The following TNRC18 variants were observed in gnomAD, a reference collection of about 807,000 sequenced individuals.
TNRC18 encodes the protein trinucleotide repeat containing 18, also known as trinucleotide repeat-containing gene 18 protein.
In TNRC18, 69 loss-of-function variants were observed where a neutral mutation model predicts 226.7. The ratio of observed to expected loss-of-function variants is 0.30; its 90% CI spans 0.25 to 0.37. The LOEUF (loss-of-function observed/expected upper bound fraction) is 0.37. Ranked by LOEUF, TNRC18 falls within the 10% of genes least tolerant of loss-of-function variation. The pLI is 1.00. For synonymous variants in TNRC18, 2,449 were observed against 1,927.6 expected (o/e 1.27, Z -7.09); for missense variants, 4,754 against 4,256.6 (o/e 1.12, Z -3.25).
Position 5,376,949 on chromosome 7 carries a change from G to A in TNRC18, c.2506C>T (p.Pro836Ser), listed in dbSNP as rs1390414333. Residue 836 changes from proline (P) to serine (S), a missense_variant, in exon 8 of 30, where the codon CCA becomes TCA. Physicochemically the swap from Pro to Ser is moderately conservative, Grantham distance 74. Transcript: ENST00000430969. ...GGGAGGGAGCCCCCCAGGCCAGGTG[G>A]GAACGCAGGGGCCATGCCCTGGTGC... ...SLHQGMAPAF[P>S]PGLGGSLPSA... The A allele has an allele frequency of 6.3e-7, 1 of 1,592,522 alleles. No individual in the cohort carries two copies.
At position 5,388,219 on chromosome 7, in the gene TNRC18, G is replaced by C. The variant is rs1055203238; in HGVS notation, c.1605C>G (p.Ala535=). The C allele has an allele frequency of 6.2e-7, 1 of 1,600,780 alleles. No homozygotes were observed. The part of the protein sequence containing the change: ...VLAAQHHHSR[A]EEEAAVVAAS... ...CAGCGACCACGGCGGCCTCCTCTTC[G>C]GCGCGGCTGTGGTGGTGCTGCGCGG... Residue 535 remains alanine, a synonymous_variant, in exon 5 of 30, where the codon GCC becomes GCG. Coordinates refer to ENST00000430969, the MANE Select transcript of TNRC18 (RefSeq NM_001080495.3).
chr7:5,344,049 A>AC (rs1465362844), intron 18 of TNRC18, among the ~76,000 whole-genome samples: 1 of 152,220 alleles, frequency 6.6e-6, no homozygotes, highest in Non-Finnish European at 1.5e-5. Flanking sequence ...GAAAAAGGAG[A>AC]CATCACTACA....
intron 26 of TNRC18, among the ~76,000 whole-genome samples, chr7:5,314,761 C>T (rs1462719773): frequency 6.6e-6 from 1 of 151,938 alleles, no homozygotes; most frequent in East Asian, 1.9e-4. Context: ...TTAGTAGAGA[C>T]GGAGTTTCAC....
At position 5,376,238 on chromosome 7, in the gene TNRC18, G is replaced by A. The variant is rs190075412; in HGVS notation, c.2609-14C>T. The A allele has an allele frequency of 1.0e-4, 149 of 1,474,892 alleles. No homozygotes were observed. Among genetic ancestry groups the A allele is most frequent in the Non-Finnish European group, 1.2e-4 (139 of 1,118,022 alleles). 91.4% of individuals were successfully genotyped at this position (1,474,892 alleles called of 1,614,324 possible). On this transcript the variant is annotated splice_polypyrimidine_tract_variant and intron_variant, in intron 8 of 29. Transcript: ENST00000430969. The stretch of plus-strand genomic sequence containing the variant: ...CCATCAGCTCCGCTGCAGGGACAGA[G>A]ACAGTGCGCTGCACCTGCGGCCTGA...
intron 11 of TNRC18, among the ~76,000 whole-genome samples, chr7:5,369,531 C>A (rs1793953936): frequency 6.6e-6 from 1 of 151,998 alleles, no homozygotes; most frequent in Non-Finnish European, 1.5e-5. Flanking sequence ...GTAAGTCGGC[C>A]TTGAATGAGG....
intron 2 of TNRC18, among the ~76,000 whole-genome samples, chr7:5,406,706 C>A (rs758240724): frequency 2.0e-5 from 3 of 151,762 alleles, no homozygotes; most frequent in Non-Finnish European, 4.4e-5. Flanking sequence ...CAAAAATTAG[C>A]TGGGCATGGT....
intron 2 of TNRC18, among the ~76,000 whole-genome samples, chr7:5,400,228 C>A (rs1187668914): frequency 5.9e-5 from 9 of 151,804 alleles, no homozygotes; most frequent in Non-Finnish European, 1.5e-5. Context: ...TGGTTACAAA[C>A]CCTGGAGCTC....
intron 2 of TNRC18, among the ~76,000 whole-genome samples, chr7:5,418,904 C>G (rs1313310275): frequency 1.3e-5 from 2 of 152,300 alleles, no homozygotes; most frequent in South Asian, 4.1e-4. Context: ...GCCTGGGGTC[C>G]GAGGTCTCCT....
intron 19 of TNRC18, among the ~76,000 whole-genome samples, chr7:5,326,804 G>C (rs1400219842): frequency 6.7e-6 from 1 of 149,646 alleles, no homozygotes; most frequent in Non-Finnish European, 1.5e-5. Context: ...GCAAAACTCC[G>C]TCTCAAAAAT....
intron 2 of TNRC18, among the ~76,000 whole-genome samples, chr7:5,403,588 C>T (rs769969730): frequency 6.6e-6 from 1 of 151,976 alleles, no homozygotes; most frequent in Non-Finnish European, 1.5e-5. Flanking sequence ...GCCAGGAGTT[C>T]AAGACCAGCC....
At position 5,309,961 on chromosome 7, in the gene TNRC18, G is replaced by C. The variant is rs1170248247; in HGVS notation, c.8389-593C>G. 2.0e-5 allele frequency among the ~76,000 whole-genome samples: 3 copies of C among 152,250 alleles called. No homozygotes were observed. In the East Asian group the frequency reaches 5.8e-4, roughly 29 times the overall value. ...AGGGTCTTGCTCTGTCACCCAGGCA[G>C]GACTGCAGTGGTAATATCATAGCTC... is the stretch of plus-strand genomic sequence containing the variant. On this transcript the variant is annotated intron_variant, in intron 27 of 29. Transcript: ENST00000430969. This position sits in a 1 kb window ranked among gnomAD's most constrained non-coding sequence, Gnocchi z 5.7.
intron 19 of TNRC18, 61 bp from the exon 20 acceptor site, chr7:5,325,309 CT>C (rs889492758): frequency 1.1e-5 from 17 of 1,520,846 alleles, no homozygotes; most frequent in Admixed American, 6.4e-5. Context: ...GGCAGCACCC[CT>C]GTCCCCCTCA....
In TNRC18 at chr7:5,411,231, A is replaced by G. The variant is rs192475965; in HGVS notation, c.187+9829T>C. Among the ~76,000 whole-genome samples the G allele has an allele frequency of 2.6e-3, 387 of 151,618 alleles. 3 individuals carry two copies. In the Middle Eastern group the frequency reaches 0.034, roughly 13 times the overall value. On this transcript the variant is annotated intron_variant, in intron 2 of 29. Transcript: ENST00000430969. Reference sequence around the variant, plus strand: ...ACTCCATCTCAAAAAAAAAAAAAAAAAAGAAAAAAGAAAAGGAAGGGGGAG... The same window carrying G: ...ACTCCATCTCAAAAAAAAAAAAAAAGAAGAAAAAAGAAAAGGAAGGGGGAG...
At chr7:5,397,287 G>T (rs1266518426) in intron 2 of TNRC18, among the ~76,000 whole-genome samples, 1 of 152,200 alleles carries the variant, frequency 6.6e-6, no homozygotes, top group Non-Finnish European at 1.5e-5. Context: ...AGCAGCCAGG[G>T]TTTGCGCAAG....
intron 27 of TNRC18, among the ~76,000 whole-genome samples, chr7:5,311,828 AAAAAG>A (rs535395422): frequency 0.013 from 1,954 of 151,760 alleles, 21 homozygotes; most frequent in South Asian, 0.025. Context: ...TTAAAAAAAA[AAAAAG>A]AAAGAAAGAA....
chr7:5,350,016 C>T (rs6463418), intron 17 of TNRC18, among the ~76,000 whole-genome samples: 13 of 151,926 alleles, frequency 8.6e-5, no homozygotes, highest in African/African-American at 2.2e-4. Flanking sequence ...AGGCCTAGGG[C>T]GCTGCCTGCT....
At chr7:5,407,009 G>A (rs1584099628) in intron 2 of TNRC18, 1 of 152,238 alleles carries the variant, frequency 6.6e-6, no homozygotes, top group African/African-American at 2.4e-5. Flanking sequence ...ACCTCCCGCT[G>A]TGGGACCTGG....
intron 17 of TNRC18, among the ~76,000 whole-genome samples, chr7:5,348,943 G>A (rs1272974205): frequency 1.3e-5 from 2 of 150,504 alleles, no homozygotes; most frequent in African/African-American, 4.9e-5. Flanking sequence ...GGGCCAATTT[G>A]AGCAGGGTGG....
intron 11 of TNRC18, among the ~76,000 whole-genome samples, chr7:5,364,192 G>A (rs944810875): frequency 6.6e-6 from 1 of 152,056 alleles, no homozygotes; most frequent in Non-Finnish European, 1.5e-5. Flanking sequence ...CCAGCTATTC[G>A]GGGGTTGAGG....
Sources: allele counts gnomAD v4.1 joint callset (sites outside exome capture counted in the v4.1 genomes callset), GRCh38; gene constraint gnomAD v4.1.1; non-coding constraint Gnocchi (gnomAD v3.1); transcripts MANE v1.5; gene names NCBI Gene and HGNC (gene_info 2026-07-23, HGNC 2026-07-21).